MIDEAS: variants seen among roughly 807,000 people sequenced by gnomAD.
MIDEAS encodes mitotic deacetylase associated SANT domain protein.
In MIDEAS, 26 loss-of-function variants were observed where a neutral mutation model predicts 102.7. The ratio of observed to expected loss-of-function variants is 0.25; its 90% CI spans 0.19 to 0.35. The LOEUF is 0.35. MIDEAS is among the 10% of genes least tolerant of loss of function. MIDEAS has a pLI of 1.00. For synonymous variants in MIDEAS, 585 were observed against 591.0 expected, an observed-to-expected ratio of 0.99 and a Z score of 0.15; for missense variants, 1,231 against 1,435.6, an observed-to-expected ratio of 0.86 and a Z score of 2.30.
intron 1 of MIDEAS, among the ~76,000 whole-genome samples, chr14:73,782,055 T>C (rs944421178): frequency 6.6e-6 from 1 of 152,188 alleles, no homozygotes; most frequent in African/African-American, 2.4e-5. Flanking sequence ...AACAGGAATC[T>C]ACCAGATTCT....
In MIDEAS at chr14:73,740,030, G is replaced by A. The variant is rs1236332458; in HGVS notation, c.-22C>T. 6.8e-7 allele frequency: 1 copy of A among 1,468,560 alleles called. No individual in the cohort carries two copies. Among genetic ancestry groups the A allele is most frequent in the Non-Finnish European group, 9.0e-7 (1 of 1,107,508 alleles). 91.0% of individuals were successfully genotyped at this position (1,468,560 alleles called of 1,614,324 possible). ...TCATGATGTGGCCAACTGAGCCCTG[G>A]CGGTGAGATCCCCTTCAACAGTCGC... On this transcript the variant is annotated 5_prime_UTR_variant, in exon 2 of 13. Transcript: ENST00000423556.
chr14:73,778,965 A>T (rs2053718840), intron 1 of MIDEAS, among the ~76,000 whole-genome samples: 1 of 152,072 alleles, frequency 6.6e-6, no homozygotes, highest in Non-Finnish European at 1.5e-5. Flanking sequence ...TCACATGTTC[A>T]TTTAACTTAT....
At chr14:73,721,241 C>A (rs2052984641) in intron 11 of MIDEAS, 56 bp downstream of exon 11, 5 of 1,570,000 alleles carry the variant, frequency 3.2e-6, no homozygotes, top group Non-Finnish European at 4.4e-6. Context: ...TCCCACGCCC[C>A]CAGGCCCAGC....
Position 73,739,129 on chromosome 14 carries a change from C to G in MIDEAS, c.880G>C (p.Gly294Arg). ...GCCAGGTGGGACTGTCCCAGTGGCCCAGCTGGCTGCAGGCCAAAGTCCTGG... is the reference window on the plus strand; with the variant it reads ...GCCAGGTGGGACTGTCCCAGTGGCCGAGCTGGCTGCAGGCCAAAGTCCTGG... ...QPQDFGLQPA[G>R]PLGQSHLAHH... is the part of the protein sequence containing the mutation. Residue 294 changes from glycine to arginine, a missense_variant, in exon 2 of 13, where the codon GGG becomes CGG. Physicochemically the swap from Gly to Arg is moderately radical, Grantham distance 125 (BLOSUM62 -2). Around this residue, in one of 5 missense-constraint regions of MIDEAS, gnomAD observed 758 missense variants for 856.0 expected, o/e 0.89. Transcript: ENST00000423556. 6.2e-7 allele frequency: 1 copy of G among 1,611,714 alleles called. No individual in the cohort carries two copies.
In MIDEAS at chr14:73,787,251, G is replaced by A. The variant is rs989253268; in HGVS notation, c.-397C>T. ...GCCCGGGCTGTGCGGCCCGGGCTGT[G>A]ACCCAGCGGCTCGCGCGGTGGCGCG... On this transcript the variant is annotated 5_prime_UTR_variant, in exon 1 of 12. Coordinates refer to the MIDEAS transcript ENST00000394071. The A allele has an allele frequency of 1.1e-4, 17 of 148,828 alleles. 1 individual carries two copies. The highest frequency in any genetic ancestry group is 4.1e-4 in the African/African-American group (17 of 41,140). 9.2% of individuals were successfully genotyped at this position (148,828 alleles called of 1,614,324 possible).
chr14:73,762,820 C>T (rs143657986), upstream of MIDEAS, among the ~76,000 whole-genome samples: 125 of 152,058 alleles, frequency 8.2e-4, no homozygotes, highest in African/African-American at 2.9e-3. Flanking sequence ...ACAAACTGCA[C>T]GAAAAAGGAG....
At chr14:73,721,960 C>T (rs1395441440) in intron 10 of MIDEAS, among the ~76,000 whole-genome samples, 2 of 152,204 alleles carry the variant, frequency 1.3e-5, no homozygotes, top group African/African-American at 4.8e-5. Context: ...GATTTGCAAT[C>T]CCAAAAATGA....
At chr14:73,727,779 G>A in intron 4 of MIDEAS, 1 of 462,446 alleles carries the variant, frequency 2.2e-6, no homozygotes, top group Non-Finnish European at 3.8e-6. Context: ...GTTAATGTGA[G>A]AACTGGATAA....
chr14:73,747,893 G>A (rs1015499434), intron 1 of MIDEAS, among the ~76,000 whole-genome samples: 14 of 152,086 alleles, frequency 9.2e-5, no homozygotes, highest in Admixed American at 1.3e-4. Flanking sequence ...ATGAGGGGTC[G>A]CACAGAGCCC....
At chr14:73,756,087 C>A (rs953958286) in intron 1 of MIDEAS, among the ~76,000 whole-genome samples, 1 of 152,160 alleles carries the variant, frequency 6.6e-6, no homozygotes, top group Non-Finnish European at 1.5e-5. Flanking sequence ...CTCATTCCCA[C>A]GCACCCATCA....
At chr14:73,767,301 T>A (rs1381620884) in intron 1 of MIDEAS, among the ~76,000 whole-genome samples, 1 of 152,224 alleles carries the variant, frequency 6.6e-6, no homozygotes, top group Non-Finnish European at 1.5e-5. Context: ...CACAGAGCTA[T>A]GATGCCCATT....
intron 7 of MIDEAS, 73 bp downstream of exon 7, chr14:73,726,531 T>C: frequency 7.1e-7 from 1 of 1,417,590 alleles, no homozygotes; most frequent in South Asian, 1.2e-5. Context: ...CAGCCATAGG[T>C]CCTGAGCAGC....
At chr14:73,781,756 AC>A (rs139552283) in intron 1 of MIDEAS, among the ~76,000 whole-genome samples, 1 of 150,638 alleles carries the variant, frequency 6.6e-6, no homozygotes, top group Non-Finnish European at 1.5e-5. Flanking sequence ...AAAAAAAAAA[AC>A]TGACTTCAGG....
chr14:73,781,320 TA>T (rs1326788731), intron 1 of MIDEAS, among the ~76,000 whole-genome samples: 1 of 152,252 alleles, frequency 6.6e-6, no homozygotes, highest in Non-Finnish European at 1.5e-5. Context: ...AAAAGTTGAT[TA>T]TTTTGTAAAA....
chr14:73,786,960 C>A (rs1159832789), intron 1 of MIDEAS: 1 of 152,282 alleles, frequency 6.6e-6, no homozygotes, highest in South Asian at 2.1e-4. Context: ...AGCTCCCTCC[C>A]TGCAGCACCC....
In MIDEAS at chr14:73,770,594, C is replaced by T. The variant is rs139437779; in HGVS notation, c.-248+16508G>A. 6.9e-3 allele frequency among the ~76,000 whole-genome samples: 1,044 copies of T among 152,162 alleles called. 14 individuals carry two copies. The highest frequency in any genetic ancestry group is 0.024 in the African/African-American group (996 of 41,482). ...TAGAGAGCTTTGAAACACCTCTCAC[C>T]AAAGAAAGGAAATTACACAAATAAA... On this transcript the variant is annotated intron_variant, in intron 1 of 11. Transcript: ENST00000394071.
intron 1 of MIDEAS, among the ~76,000 whole-genome samples, chr14:73,747,229 C>G (rs1261143756): frequency 6.6e-6 from 1 of 152,166 alleles, no homozygotes; most frequent in East Asian, 1.9e-4. Flanking sequence ...AGCAGCAGGG[C>G]CTGGAGACAA....
At chr14:73,753,185 C>A (rs1407710169) in intron 1 of MIDEAS, among the ~76,000 whole-genome samples, 1 of 152,222 alleles carries the variant, frequency 6.6e-6, no homozygotes, top group African/African-American at 2.4e-5. Flanking sequence ...AGAAGGGCCT[C>A]AGGGCTCAAG....
intron 1 of MIDEAS, among the ~76,000 whole-genome samples, chr14:73,772,842 T>C (rs1248712230): frequency 1.3e-5 from 2 of 150,140 alleles, no homozygotes; most frequent in African/African-American, 4.9e-5. Context: ...TGTATTTTGT[T>C]GTTGTTGTTG....
Sources: gnomAD v4.1 joint callset for allele counts (sites outside exome capture counted in the v4.1 genomes callset) on GRCh38, gnomAD v4.1.1 for gene constraint, gnomAD v4.1.1 regional missense constraint, MANE v1.5 for transcripts, NCBI Gene and HGNC (gene_info 2026-07-23, HGNC 2026-07-21) for gene names.